ARHGAP22: variants seen among roughly 807,000 people sequenced by gnomAD.
ARHGAP22 encodes Rho GTPase activating protein 22, also known as rho GTPase-activating protein 22.
In ARHGAP22, 48 loss-of-function variants were observed where a neutral mutation model predicts 59.1. The ratio of observed to expected loss-of-function variants is 0.81; its 90% CI spans 0.64 to 1.03. The LOEUF (loss-of-function observed/expected upper bound fraction) is 1.03, where lower values mean the gene tolerates loss of function less well. Ranked by LOEUF, ARHGAP22 falls within the 50% of genes least tolerant of loss-of-function variation. The pLI is 0.00. For missense variants in ARHGAP22, 1,015 were observed against 958.7 expected (o/e 1.06, Z -0.78); for synonymous variants, 445 against 416.4 (o/e 1.07, Z -0.84).
intron 1 of ARHGAP22, among the ~76,000 whole-genome samples, chr10:48,614,407 T>C (rs2061004403): frequency 6.6e-6 from 1 of 152,162 alleles, no homozygotes. Context: ...GACTGGTGAA[T>C]TCCAGTTCCA....
At chr10:48,578,116 CTTTTT>C (rs1306888266) in intron 2 of ARHGAP22, among the ~76,000 whole-genome samples, 1 of 151,876 alleles carries the variant, frequency 6.6e-6, no homozygotes, top group African/African-American at 2.4e-5. Context: ...GCCCTAACTG[CTTTTT>C]TTTAAGTTAA....
intron 2 of ARHGAP22, among the ~76,000 whole-genome samples, chr10:48,565,046 A>G (rs2057961210): frequency 1.3e-5 from 2 of 152,200 alleles, no homozygotes; most frequent in African/African-American, 2.4e-5. Context: ...GATGTCTCAC[A>G]CCCAGAACTC....
chr10:48,543,771 A>T (rs1256725018), intron 3 of ARHGAP22, among the ~76,000 whole-genome samples: 1 of 152,216 alleles, frequency 6.6e-6, no homozygotes, highest in Non-Finnish European at 1.5e-5. Context: ...CACAACTAAA[A>T]AATTAAAATC....
chr10:48,585,526 C>T (rs547396476), intron 1 of ARHGAP22, among the ~76,000 whole-genome samples: 2 of 152,336 alleles, frequency 1.3e-5, no homozygotes, highest in African/African-American at 4.8e-5. Context: ...GGGTATAATA[C>T]TGAATCTATC....
chr10:48,523,978 C>A, intron 3 of ARHGAP22: 2 of 1,361,002 alleles, frequency 1.5e-6, no homozygotes, highest in African/African-American at 1.5e-5. Flanking sequence ...CACCCCGTGG[C>A]GAGTCCCCGA....
chr10:48,481,691 G>T (rs2049338873), intron 3 of ARHGAP22, among the ~76,000 whole-genome samples: 1 of 152,104 alleles, frequency 6.6e-6, no homozygotes, highest in Non-Finnish European at 1.5e-5. Context: ...TAAGGAAATG[G>T]CCACACACTG....
In ARHGAP22 at chr10:48,463,622, C is replaced by T. The variant is rs537777976; in HGVS notation, c.452-3731G>A. On this transcript the variant is annotated intron_variant, in intron 4 of 9. Coordinates refer to ENST00000249601, the MANE Select transcript of ARHGAP22 (RefSeq NM_021226.4). ...TCTCCCTGGGTAGCGCTTTCCTCTTCGGTCTGGGCAAATTTCCCACTAGCC... is the reference window on the plus strand; with the variant it reads ...TCTCCCTGGGTAGCGCTTTCCTCTTTGGTCTGGGCAAATTTCCCACTAGCC... Among the ~76,000 whole-genome samples the T allele has an allele frequency of 6.6e-5, 10 of 152,310 alleles. No homozygotes were observed. In the South Asian group the frequency reaches 1.7e-3, roughly 25 times the overall value.
At chr10:48,492,829 A>G (rs987107576) in intron 3 of ARHGAP22, among the ~76,000 whole-genome samples, 1 of 152,252 alleles carries the variant, frequency 6.6e-6, no homozygotes, top group Admixed American at 6.5e-5. Flanking sequence ...CTGGGATTAC[A>G]GGCCACTGCA....
chr10:48,539,450 C>A (rs977762974), intron 3 of ARHGAP22, among the ~76,000 whole-genome samples: 1 of 150,982 alleles, frequency 6.6e-6, no homozygotes, highest in Non-Finnish European at 1.5e-5. Context: ...CGCCACTACG[C>A]CCGGCTAATT....
intron 1 of ARHGAP22, among the ~76,000 whole-genome samples, chr10:48,642,040 G>C (rs2062070237): frequency 6.6e-6 from 1 of 152,108 alleles, no homozygotes; most frequent in Admixed American, 6.6e-5. Flanking sequence ...GGGATGTGAA[G>C]GTCCTCTTCA....
At chr10:48,551,938 C>G (rs1333032641) in intron 3 of ARHGAP22, among the ~76,000 whole-genome samples, 1 of 152,262 alleles carries the variant, frequency 6.6e-6, no homozygotes, top group East Asian at 1.9e-4. Flanking sequence ...GGCTTGGCCT[C>G]AAGCTCCACT....
At chr10:48,572,318 G>A (rs561117070) in intron 2 of ARHGAP22, among the ~76,000 whole-genome samples, 1 of 152,296 alleles carries the variant, frequency 6.6e-6, no homozygotes, top group East Asian at 1.9e-4. Flanking sequence ...AACAATTGTA[G>A]TTCACCGTTA....
chr10:48,604,616 C>A, intron 1 of ARHGAP22, 147 bp downstream of exon 1: 3 of 1,332,330 alleles, frequency 2.3e-6, no homozygotes, highest in African/African-American at 1.5e-5. Context: ...AAGGGCACTT[C>A]CTCAGGAGGA....
chr10:48,525,156 C>G (rs1035061509), intron 3 of ARHGAP22, among the ~76,000 whole-genome samples: 1 of 152,190 alleles, frequency 6.6e-6, no homozygotes, highest in African/African-American at 2.4e-5. Context: ...GGAGCAAGCT[C>G]ATTTCTTAGT....
At chr10:48,593,309 A>C (rs1005679320) in intron 1 of ARHGAP22, among the ~76,000 whole-genome samples, 1 of 152,244 alleles carries the variant, frequency 6.6e-6, no homozygotes, top group Admixed American at 6.5e-5. Flanking sequence ...GTTGCAGAAC[A>C]ATTTACAAAA....
chr10:48,496,469 CTG>C (rs2050941827), intron 3 of ARHGAP22, among the ~76,000 whole-genome samples: 1 of 152,270 alleles, frequency 6.6e-6, no homozygotes, highest in Admixed American at 6.5e-5. Flanking sequence ...GATAAAGAAA[CTG>C]AGGCTCAGAG....
At chr10:48,458,804 C>T (rs1181675432) in intron 5 of ARHGAP22, among the ~76,000 whole-genome samples, 2 of 152,194 alleles carry the variant, frequency 1.3e-5, no homozygotes, top group African/African-American at 4.8e-5. Flanking sequence ...TCCCCCGTAC[C>T]TCCCTGGGTG....
chr10:48,641,116 T>G (rs1220077331), intron 1 of ARHGAP22, among the ~76,000 whole-genome samples: 9 of 151,548 alleles, frequency 5.9e-5, no homozygotes, highest in Admixed American at 5.9e-4. Context: ...CAGTAAAAAA[T>G]AGAAAAATTA....
chr10:48,622,214 T>G (rs1292830027), intron 1 of ARHGAP22, among the ~76,000 whole-genome samples: 2 of 152,232 alleles, frequency 1.3e-5, no homozygotes, highest in Non-Finnish European at 2.9e-5. Flanking sequence ...GTATCTTTTT[T>G]TGTTCCTCAA....
Sources: gnomAD v4.1 joint callset for allele counts (sites outside exome capture counted in the v4.1 genomes callset) on GRCh38, gnomAD v4.1.1 for gene constraint, MANE v1.5 for transcripts, NCBI Gene and HGNC (gene_info 2026-07-23, HGNC 2026-07-21) for gene names.